PROKR2: variants seen among roughly 807,000 people sequenced by gnomAD.
PROKR2 encodes the protein G protein-coupled receptor 73-like 1.
In PROKR2, 26 loss-of-function variants were observed where a neutral mutation model predicts 23.4. The ratio of observed to expected loss-of-function variants is 1.11; its 90% CI spans 0.81 to 1.54. The LOEUF (loss-of-function observed/expected upper bound fraction) is 1.54. Among genes scored for constraint, PROKR2 ranks in the 40% most tolerant of loss-of-function variants. The pLI is 0.00. For missense variants in PROKR2, 453 were observed against 511.5 expected, an observed-to-expected ratio of 0.89 and a Z score of 1.10; for synonymous variants, 212 against 201.2, an observed-to-expected ratio of 1.05 and a Z score of -0.45.
chr20:5,305,889 T>A (rs2122210653), intron 2 of PROKR2, among the ~76,000 whole-genome samples: 1 of 152,318 alleles, frequency 6.6e-6, no homozygotes, highest in East Asian at 1.9e-4. Context: ...AATTATAACT[T>A]CTGTACCTAT....
intron 2 of PROKR2, among the ~76,000 whole-genome samples, chr20:5,306,609 A>C (rs2072843105): frequency 6.6e-6 from 1 of 152,232 alleles, no homozygotes; most frequent in African/African-American, 2.4e-5. Flanking sequence ...ACTTCAGCTC[A>C]AAAAGCGGAG....
At chr20:5,304,557 C>A (rs1168767570) in intron 2 of PROKR2, among the ~76,000 whole-genome samples, 2 of 152,154 alleles carry the variant, frequency 1.3e-5, no homozygotes, top group African/African-American at 4.8e-5. Context: ...TAACTGCAGA[C>A]CAACTTTTGG....
Position 5,302,150 on chromosome 20 carries a change from G to T in PROKR2, c.1045C>A (p.Leu349Met), listed in dbSNP as rs749102757. 2 of 1,614,216 alleles carry T rather than the reference G, an allele frequency of 1.2e-6. No individual in the cohort carries two copies. Among genetic ancestry groups the T allele is most frequent in the South Asian group, 2.2e-5 (2 of 91,082 alleles). ...CGCTGGGAGGGACGCCAGTGCAGCA[G>T]CATCATCTTCTTGAAGTACTTCATG... is the stretch of plus-strand genomic sequence containing the variant. ...NTMKYFKKMM[L>M]LHWRPSQRGS... Residue 349 changes from leucine (L) to methionine (M), a missense_variant, in exon 3 of 3, where the codon CTG becomes ATG. Physicochemically the swap from Leu to Met is conservative, Grantham distance 15 (BLOSUM62 2). Transcript: ENST00000678254.
At chr20:5,311,067 T>C (rs1178472245) in intron 2 of PROKR2, among the ~76,000 whole-genome samples, 1 of 152,188 alleles carries the variant, frequency 6.6e-6, no homozygotes, top group Non-Finnish European at 1.5e-5. Context: ...TTGTAAGCAA[T>C]GAAATGTTTC....
intron 2 of PROKR2, among the ~76,000 whole-genome samples, chr20:5,305,899 T>C (rs193191977): frequency 2.6e-5 from 4 of 152,330 alleles, no homozygotes; most frequent in Non-Finnish European, 5.9e-5. Context: ...TCTGTACCTA[T>C]AAATTTATGG....
At chr20:5,313,462 G>T (rs1280143207) in intron 2 of PROKR2, among the ~76,000 whole-genome samples, 2 of 152,232 alleles carry the variant, frequency 1.3e-5, no homozygotes, top group Non-Finnish European at 2.9e-5. Context: ...TGGTTGCCTG[G>T]TGGGGGAGGA....
In PROKR2 at chr20:5,301,969, A is replaced by G; in HGVS notation, c.*71T>C. 1.4e-6 allele frequency: 2 copies of G among 1,391,228 alleles called. No homozygotes were observed. Among genetic ancestry groups the G allele is most frequent in the Non-Finnish European group, 2.0e-6 (2 of 994,670 alleles). The allele number at this position is 1,391,228 out of a possible 1,614,324, so 86.2% of individuals were successfully genotyped here. ...ACAGATGTCATTTCCCATGCAGCCT[A>G]TGAACTTGGTTGATGGTGGGTGATG... On this transcript the variant is annotated 3_prime_UTR_variant, in exon 3 of 3. Coordinates refer to ENST00000678254, the MANE Select transcript of PROKR2 (RefSeq NM_144773.4).
At position 5,300,312 on chromosome 20, in the gene PROKR2, T is replaced by C. The variant is rs1027819694; in HGVS notation, c.*1728A>G. On this transcript the variant is annotated 3_prime_UTR_variant, in exon 3 of 3. Transcript: ENST00000678254. The stretch of plus-strand genomic sequence containing the variant: ...GGGATGCTGAGAGTCTTGGGGTCAC[T>C]GAGAATCTGAGGTTAAATTTCCCAG... Among the ~76,000 whole-genome samples, 1 of 152,216 alleles carries C rather than the reference T, an allele frequency of 6.6e-6. No homozygotes were observed. Among genetic ancestry groups the C allele is most frequent in the African/African-American group, 2.4e-5 (1 of 41,450 alleles).
intron 2 of PROKR2, among the ~76,000 whole-genome samples, chr20:5,311,708 A>C (rs537804445): frequency 5.9e-5 from 9 of 152,342 alleles, no homozygotes; most frequent in African/African-American, 2.2e-4. Flanking sequence ...GCATAATCTA[A>C]TCAGCCGCCA....
chr20:5,310,459 T>C (rs752382640), intron 2 of PROKR2, among the ~76,000 whole-genome samples: 1 of 152,242 alleles, frequency 6.6e-6, no homozygotes, highest in Non-Finnish European at 1.5e-5. Flanking sequence ...GGATTGACTG[T>C]GCCCAGTGAT....
At chr20:5,313,470 G>A (rs1979519276) in intron 2 of PROKR2, among the ~76,000 whole-genome samples, 1 of 152,200 alleles carries the variant, frequency 6.6e-6, no homozygotes, top group African/African-American at 2.4e-5. Flanking sequence ...TGGTGGGGGA[G>A]GATTGACTGG....
rs144822137 is a variant in PROKR2 at position 5,299,718 on chromosome 20, G to A, written c.*2322C>T. 6.6e-6 allele frequency among the ~76,000 whole-genome samples: 1 copy of A among 152,130 alleles called. No homozygotes were observed. Among genetic ancestry groups the A allele is most frequent in the Non-Finnish European group, 1.5e-5 (1 of 68,020 alleles). The stretch of plus-strand genomic sequence containing the variant: ...CAATTCACTGCAACCTCTGCCTCTG[G>A]GGTTCAAGCAATTCTCATGCCTCAG... On this transcript the variant is annotated 3_prime_UTR_variant, in exon 3 of 3. Coordinates refer to ENST00000678254, the MANE Select transcript of PROKR2 (RefSeq NM_144773.4).
rs1166917299 is a variant in PROKR2, at chr20:5,302,147, G to A, written c.1048C>T (p.Leu350=). Residue 350 remains leucine (L), a synonymous_variant, in exon 3 of 3, where the codon CTG becomes TTG. Transcript: ENST00000678254. ...CCCCGCTGGGAGGGACGCCAGTGCA[G>A]CAGCATCATCTTCTTGAAGTACTTC... is the stretch of plus-strand genomic sequence containing the variant. ...TMKYFKKMML[L]HWRPSQRGSK... 3 of 1,614,224 alleles carry A rather than the reference G, an allele frequency of 1.9e-6. No individual in the cohort carries two copies. Among genetic ancestry groups the A allele is most frequent in the Non-Finnish European group, 2.5e-6 (3 of 1,180,036 alleles).
At chr20:5,310,876 A>C (rs1274092128) in intron 2 of PROKR2, among the ~76,000 whole-genome samples, 1 of 152,268 alleles carries the variant, frequency 6.6e-6, no homozygotes, top group African/African-American at 2.4e-5. Context: ...GGAGAAAGAT[A>C]GAAAACATCG....
chr20:5,316,581 G>C lies in PROKR2; in HGVS notation c.-96C>G, dbSNP rs1045428054. 1 of 337,854 alleles carries C rather than the reference G, an allele frequency of 3.0e-6. No homozygotes were observed. Among genetic ancestry groups the C allele is most frequent in the Non-Finnish European group, 5.9e-6 (1 of 168,578 alleles). 20.9% of individuals were successfully genotyped at this position (337,854 alleles called of 1,614,324 possible). The stretch of plus-strand genomic sequence containing the variant: ...GTGGTTGGGCGCAGGCGGGCCGCTC[G>C]GTTTTCACCTCGAGGACCCGGACTT... On this transcript the variant is annotated 5_prime_UTR_variant, in exon 1 of 3. Coordinates refer to ENST00000678254, the MANE Select transcript of PROKR2 (RefSeq NM_144773.4). This position sits in a 1 kb window ranked among gnomAD's most constrained non-coding sequence, Gnocchi z 5.0.
intron 2 of PROKR2, among the ~76,000 whole-genome samples, chr20:5,308,696 C>T (rs1296237770): frequency 2.0e-5 from 3 of 152,170 alleles, no homozygotes; most frequent in Non-Finnish European, 2.9e-5. Flanking sequence ...GTCTCCCCGA[C>T]CGAGCTGGTC....
In PROKR2 at chr20:5,316,494, C is replaced by A. The variant is rs996868477; in HGVS notation, c.-9G>T. 1.0e-5 allele frequency: 4 copies of A among 387,402 alleles called. No individual in the cohort carries two copies. In the East Asian group the frequency reaches 2.2e-4, roughly 21 times the overall value. The allele number at this position is 387,402 out of a possible 1,614,324, so 24.0% of individuals were successfully genotyped here. A position where few individuals can be genotyped will look rare whatever the true frequency, so the allele number is the denominator to read the frequency against. On this transcript the variant is annotated splice_region_variant and 5_prime_UTR_variant, in exon 1 of 3. Transcript: ENST00000678254. The surrounding 1 kb of genome is among the most constrained non-coding windows in gnomAD (Gnocchi z 5.0). ...GGACTGCAGGGATCTAAGCCCTTAC[C>A]TGTCTCGGCGCCTCCTTTCTGTGCG...
At position 5,301,838 on chromosome 20, in the gene PROKR2, C is replaced by G. The variant is rs773339343; in HGVS notation, c.*202G>C. ...TTGGGATTGTGGACACAGTAGGTGT[C>G]GAGCGGATATCAGTAAATGTCAGCT... On this transcript the variant is annotated 3_prime_UTR_variant, in exon 3 of 3. Transcript: ENST00000678254. Among the ~76,000 whole-genome samples, 4 of 152,114 alleles carry G rather than the reference C, an allele frequency of 2.6e-5. No individual in the cohort carries two copies. Among genetic ancestry groups the G allele is most frequent in the Non-Finnish European group, 5.9e-5 (4 of 68,026 alleles).
Position 5,314,389 on chromosome 20 carries a change from G to C in PROKR2, c.-8-12C>G, listed in dbSNP as rs779975221. 6.2e-7 allele frequency: 1 copy of C among 1,609,928 alleles called. No individual in the cohort carries two copies. Among genetic ancestry groups the C allele is most frequent in the South Asian group, 1.1e-5 (1 of 90,984 alleles). The stretch of plus-strand genomic sequence containing the variant: ...TGCCATGGTGATGTCTGCAAGAAAA[G>C]TGGTGTGAGGGAGGTGCGAGGGGTG... On this transcript the variant is annotated splice_polypyrimidine_tract_variant and intron_variant, in intron 1 of 2. Coordinates refer to ENST00000678254, the MANE Select transcript of PROKR2 (RefSeq NM_144773.4).
Sources: gnomAD v4.1 joint callset for allele counts (sites outside exome capture counted in the v4.1 genomes callset) on GRCh38, gnomAD v4.1.1 for gene constraint, Gnocchi (gnomAD v3.1) non-coding constraint, MANE v1.5 for transcripts, NCBI Gene and HGNC (gene_info 2026-07-23, HGNC 2026-07-21) for gene names.